The following TCF7L1 variants were observed in gnomAD, a reference collection of about 807,000 sequenced individuals.
The protein encoded by TCF7L1 is transcription factor 7-like 1.
A neutral mutation model predicts 63.7 loss-of-function variants in TCF7L1; 18 were observed. The ratio of observed to expected loss-of-function variants is 0.28; its 90% CI spans 0.20 to 0.42. The LOEUF (loss-of-function observed/expected upper bound fraction) is 0.42, where lower values mean the gene tolerates loss of function less well. Among genes scored for constraint, TCF7L1 ranks in the 10% least tolerant of loss-of-function variants. The pLI, the probability that TCF7L1 is intolerant of heterozygous loss-of-function variation, is 1.00. For synonymous variants in TCF7L1, 355 were observed against 340.9 expected, an observed-to-expected ratio of 1.04 and a Z score of -0.46; for missense variants, 654 against 779.3, an observed-to-expected ratio of 0.84 and a Z score of 1.91.
intron 3 of TCF7L1, among the ~76,000 whole-genome samples, chr2:85,143,426 T>C (rs1337900049): frequency 1.3e-5 from 2 of 152,032 alleles, no homozygotes; most frequent in East Asian, 3.9e-4. Flanking sequence ...CTCCGGCTGC[T>C]CTTTTTGGCT....
chr2:85,256,995 T>A (rs1243932167), intron 3 of TCF7L1, among the ~76,000 whole-genome samples: 1 of 138,630 alleles, frequency 7.2e-6, no homozygotes, highest in Non-Finnish European at 1.6e-5. Context: ...AAAAAAAAAA[T>A]TACATATTAA....
Position 85,261,512 on chromosome 2 carries a change from A to G in TCF7L1, c.442-21983A>G, listed in dbSNP as rs150871339. 2.6e-3 allele frequency among the ~76,000 whole-genome samples: 389 copies of G among 152,374 alleles called. 3 individuals carry two copies. The highest frequency in any genetic ancestry group is 0.018 in the East Asian group (93 of 5,194). On this transcript the variant is annotated intron_variant, in intron 3 of 11. Coordinates refer to ENST00000282111, the MANE Select transcript of TCF7L1 (RefSeq NM_031283.3). ...TCCACCAGCAAGCATGTGTCTTGAC[A>G]AAGGTTGTTAAGGACAAGAAGTTGT... is the stretch of plus-strand genomic sequence containing the variant.
intron 3 of TCF7L1, among the ~76,000 whole-genome samples, chr2:85,138,925 G>A (rs1677657132): frequency 6.6e-6 from 1 of 152,046 alleles, no homozygotes; most frequent in South Asian, 2.1e-4. Flanking sequence ...TCTATAATAG[G>A]AAGGCCCTAC....
chr2:85,229,316 C>T (rs780731545), intron 3 of TCF7L1, among the ~76,000 whole-genome samples: 1 of 152,108 alleles, frequency 6.6e-6, no homozygotes, highest in Non-Finnish European at 1.5e-5. Context: ...CAGTGCACTC[C>T]AGCTGGGAGA....
At chr2:85,286,114 C>A (rs1009157692) in intron 4 of TCF7L1, among the ~76,000 whole-genome samples, 3 of 151,244 alleles carry the variant, frequency 2.0e-5, no homozygotes, top group Non-Finnish European at 1.5e-5. Flanking sequence ...TCGCCTGAAC[C>A]CGGGAGGCAG....
intron 3 of TCF7L1, among the ~76,000 whole-genome samples, chr2:85,216,011 G>A (rs1469603406): frequency 1.3e-5 from 2 of 152,106 alleles, no homozygotes; most frequent in African/African-American, 2.4e-5. Context: ...AAATGTTGGC[G>A]CTGGGCGGGG....
At chr2:85,305,907 G>A (rs1026043482) in intron 8 of TCF7L1, among the ~76,000 whole-genome samples, 1 of 152,072 alleles carries the variant, frequency 6.6e-6, no homozygotes, top group African/African-American at 2.4e-5. Context: ...TCCTGTCACC[G>A]CCGCCAGCAC....
intron 3 of TCF7L1, among the ~76,000 whole-genome samples, chr2:85,199,367 A>G (rs957142935): frequency 3.3e-5 from 5 of 152,228 alleles, no homozygotes; most frequent in Admixed American, 2.0e-4. Flanking sequence ...CTGAGTTCTA[A>G]CAGCCAGAAA....
chr2:85,297,778 T>C (rs1681865762), intron 4 of TCF7L1, among the ~76,000 whole-genome samples: 1 of 151,844 alleles, frequency 6.6e-6, no homozygotes, highest in South Asian at 2.1e-4. Context: ...ACAGTGAGAC[T>C]GTGTCTCCAA....
intron 4 of TCF7L1, among the ~76,000 whole-genome samples, chr2:85,293,697 T>G (rs1263148656): frequency 1.3e-5 from 2 of 152,242 alleles, no homozygotes; most frequent in African/African-American, 2.4e-5. Context: ...CTATTGATCT[T>G]GTTTAGCATT....
chr2:85,160,911 A>T (rs75738078), intron 3 of TCF7L1, among the ~76,000 whole-genome samples: 1 of 152,198 alleles, frequency 6.6e-6, no homozygotes, highest in African/African-American at 2.4e-5. Flanking sequence ...GCAATCATCA[A>T]TGAGAACCCG....
chr2:85,155,325 C>T (rs143861892), intron 3 of TCF7L1, among the ~76,000 whole-genome samples: 174 of 152,296 alleles, frequency 1.1e-3, no homozygotes, highest in African/African-American at 3.9e-3. Flanking sequence ...AAAAGCTGGC[C>T]ACCCCAGCCA....
intron 3 of TCF7L1, among the ~76,000 whole-genome samples, chr2:85,186,001 C>T (rs546216762): frequency 7.4e-6 from 1 of 135,150 alleles, no homozygotes; most frequent in Non-Finnish European, 1.5e-5. Flanking sequence ...GAGTCTCGCT[C>T]TGTCGCCTAG....
intron 3 of TCF7L1, among the ~76,000 whole-genome samples, chr2:85,262,981 G>A (rs895798001): frequency 8.5e-5 from 13 of 152,188 alleles, no homozygotes; most frequent in African/African-American, 2.9e-4. Context: ...AGAGGGAGAA[G>A]GAGAGAGTGT....
At chr2:85,277,846 C>T (rs1209174217) in intron 3 of TCF7L1, among the ~76,000 whole-genome samples, 5 of 152,134 alleles carry the variant, frequency 3.3e-5, no homozygotes, top group Admixed American at 6.5e-5. Context: ...TGAGAACGTG[C>T]GAACAGGGAG....
At chr2:85,301,852 G>A (rs1057363567) in intron 4 of TCF7L1, among the ~76,000 whole-genome samples, 1 of 152,244 alleles carries the variant, frequency 6.6e-6, no homozygotes. Context: ...AGGGCCGGGC[G>A]CAGTGGTTCA....
chr2:85,145,970 C>T (rs1040049639), intron 3 of TCF7L1, among the ~76,000 whole-genome samples: 23 of 152,104 alleles, frequency 1.5e-4, no homozygotes, highest in African/African-American at 5.6e-4. Flanking sequence ...CTCGACCTCC[C>T]AAAGTGCTGG....
At position 85,185,006 on chromosome 2, in the gene TCF7L1, T is replaced by C. The variant is rs367617178; in HGVS notation, c.441+50556T>C. On this transcript the variant is annotated intron_variant, in intron 3 of 11. Coordinates refer to ENST00000282111, the MANE Select transcript of TCF7L1 (RefSeq NM_031283.3). ...TGTCACAGCAAAGTTCAGTGACAGG[T>C]TCTACCTGTGTCTTAGTTCTCTGAC... Among the ~76,000 whole-genome samples, 236 of 152,304 alleles carry C rather than the reference T, an allele frequency of 1.5e-3. 7 individuals carry two copies. The South Asian group carries it at 0.045, about 29-fold the overall frequency.
chr2:85,208,065 C>G (rs1679452928), intron 3 of TCF7L1, among the ~76,000 whole-genome samples: 1 of 152,106 alleles, frequency 6.6e-6, no homozygotes, highest in Admixed American at 6.5e-5. Context: ...CGCCACCACA[C>G]ATGGCCAATT....
Sources: allele counts gnomAD v4.1 joint callset (sites outside exome capture counted in the v4.1 genomes callset), GRCh38; gene constraint gnomAD v4.1.1; transcripts MANE v1.5; gene names NCBI Gene and HGNC (gene_info 2026-07-23, HGNC 2026-07-21).